Variants in ST6GALNAC5 observed in about 807,000 individuals in gnomAD.
The protein encoded by ST6GALNAC5 is ST6 N-acetylgalactosaminide alpha-2,6-sialyltransferase 5.
ST6GALNAC5 carries 27 observed loss-of-function variants against 33.6 expected under a neutral mutation model. The ratio of observed to expected loss-of-function variants is 0.80; its 90% confidence interval spans 0.59 to 1.11. ST6GALNAC5 has a LOEUF of 1.11. ST6GALNAC5 is among the 50% of genes least tolerant of loss of function. The pLI is 0.00. For missense variants in ST6GALNAC5, 428 were observed against 454.0 expected (o/e 0.94, Z 0.52); for synonymous variants, 194 against 171.2 (o/e 1.13, Z -1.04).
intron 2 of ST6GALNAC5, among the ~76,000 whole-genome samples, chr1:76,916,456 G>A (rs1646976234): frequency 6.6e-6 from 1 of 152,064 alleles, no homozygotes; most frequent in Non-Finnish European, 1.5e-5. Flanking sequence ...AAACTTTTAT[G>A]ATCAAAAAAT....
intron 2 of ST6GALNAC5, among the ~76,000 whole-genome samples, chr1:76,908,883 T>C (rs1646887449): frequency 6.6e-6 from 1 of 152,206 alleles, no homozygotes; most frequent in Admixed American, 6.6e-5. Flanking sequence ...GAATTTACAA[T>C]TCTATGCAAT....
intron 2 of ST6GALNAC5, among the ~76,000 whole-genome samples, chr1:77,037,483 C>A (rs1357366059): frequency 1.3e-5 from 2 of 152,046 alleles, no homozygotes. Context: ...ATTCATGCCT[C>A]AAAACTCAGT....
At chr1:76,953,314 C>T (rs1201131496) in intron 2 of ST6GALNAC5, among the ~76,000 whole-genome samples, 1 of 152,124 alleles carries the variant, frequency 6.6e-6, no homozygotes, top group East Asian at 1.9e-4. Flanking sequence ...AGAGATCAAG[C>T]TTCTCTGTAT....
Position 76,868,428 on chromosome 1 carries a change from CCCG to C in ST6GALNAC5, c.16-67_16-65del. 1 of 1,537,348 alleles carries C rather than the reference CCCG, an allele frequency of 6.5e-7. No homozygotes were observed. Among genetic ancestry groups the C allele is most frequent in the South Asian group, 1.3e-5 (1 of 78,682 alleles). ...CTAGAGTGACCACCGCACAGTTGTCCCCGCTGGGCGCGCTCCTCCGGTGTCTGC... is the reference window on the plus strand; with the variant it reads ...CTAGAGTGACCACCGCACAGTTGTCCCTGGGCGCGCTCCTCCGGTGTCTGC... On this transcript the variant is annotated intron_variant, in intron 1 of 4. Coordinates refer to ENST00000477717, the MANE Select transcript of ST6GALNAC5 (RefSeq NM_030965.3). The surrounding 1 kb of genome is among the most constrained non-coding windows in gnomAD (Gnocchi z 4.3).
At chr1:77,002,176 T>C (rs1443795782) in intron 2 of ST6GALNAC5, among the ~76,000 whole-genome samples, 1 of 152,226 alleles carries the variant, frequency 6.6e-6, no homozygotes, top group African/African-American at 2.4e-5. Context: ...GTTCCTGTTA[T>C]TGGTCTATTC....
intron 2 of ST6GALNAC5, among the ~76,000 whole-genome samples, chr1:77,025,518 G>GAA (rs112139091): frequency 3.5e-4 from 50 of 142,798 alleles, no homozygotes; most frequent in Middle Eastern, 3.5e-3. Flanking sequence ...AGACTGTCTT[G>GAA]AAAAAAAAAA....
intron 2 of ST6GALNAC5, among the ~76,000 whole-genome samples, chr1:76,942,731 A>G (rs1647381152): frequency 6.6e-6 from 1 of 152,084 alleles, no homozygotes; most frequent in Non-Finnish European, 1.5e-5. Flanking sequence ...CCAGACTCCA[A>G]AAGGCAGCTG....
chr1:76,916,673 A>T, intron 2 of ST6GALNAC5, among the ~76,000 whole-genome samples: 1 of 152,092 alleles, frequency 6.6e-6, no homozygotes, highest in Non-Finnish European at 1.5e-5. Context: ...GCTCCGTTTA[A>T]AATCTAGACG....
chr1:76,997,465 C>T (rs1218755619), intron 2 of ST6GALNAC5, among the ~76,000 whole-genome samples: 1 of 152,092 alleles, frequency 6.6e-6, no homozygotes, highest in Non-Finnish European at 1.5e-5. Context: ...AAGTTTCCAA[C>T]AAAGCAGTGC....
intron 2 of ST6GALNAC5, among the ~76,000 whole-genome samples, chr1:76,989,536 C>G (rs1325838627): frequency 6.6e-6 from 1 of 151,266 alleles, no homozygotes; most frequent in South Asian, 2.1e-4. Context: ...TGCCTTTTTT[C>G]CCTTTTGTCT....
At chr1:77,005,773 G>C (rs1650386800) in intron 2 of ST6GALNAC5, among the ~76,000 whole-genome samples, 1 of 152,126 alleles carries the variant, frequency 6.6e-6, no homozygotes, top group Admixed American at 6.5e-5. Context: ...TAACTATTCT[G>C]GGTACCTCAT....
chr1:76,893,050 A>T (rs1654047249), intron 2 of ST6GALNAC5, among the ~76,000 whole-genome samples: 1 of 152,172 alleles, frequency 6.6e-6, no homozygotes, highest in Non-Finnish European at 1.5e-5. Flanking sequence ...TTTGCTCTGA[A>T]TATCATCCAT....
intron 2 of ST6GALNAC5, among the ~76,000 whole-genome samples, chr1:76,948,195 G>T (rs1488277075): frequency 2.6e-5 from 4 of 152,150 alleles, no homozygotes; most frequent in Non-Finnish European, 4.4e-5. Context: ...GAAGTGCCTT[G>T]TGAAACCCCC....
At chr1:77,027,064 A>G (rs755211090) in intron 2 of ST6GALNAC5, among the ~76,000 whole-genome samples, 11 of 152,238 alleles carry the variant, frequency 7.2e-5, no homozygotes, top group Non-Finnish European at 7.3e-5. Flanking sequence ...TCCACTCCAA[A>G]GACAGAAAGC....
intron 2 of ST6GALNAC5, among the ~76,000 whole-genome samples, chr1:76,875,783 G>C (rs1653624969): frequency 6.6e-6 from 1 of 152,170 alleles, no homozygotes; most frequent in African/African-American, 2.4e-5. Context: ...CACTGATGCA[G>C]AGCATACATC....
At chr1:76,880,419 G>C (rs1390375087) in intron 2 of ST6GALNAC5, among the ~76,000 whole-genome samples, 2 of 152,096 alleles carry the variant, frequency 1.3e-5, no homozygotes, top group Non-Finnish European at 2.9e-5. Flanking sequence ...ATCTGTATTA[G>C]TCAGCATTCT....
At position 76,868,377 on chromosome 1, in the gene ST6GALNAC5, G is replaced by T; in HGVS notation, c.16-120G>T. ...CCCAGTTGCGTGCGGCGGGGCTGGG[G>T]CCCAGGCCGCCCCAAATCTCCCCCA... On this transcript the variant is annotated intron_variant, in intron 1 of 4. Transcript: ENST00000477717. The surrounding 1 kb of genome is among the most constrained non-coding windows in gnomAD (Gnocchi z 4.3). 2 of 1,410,832 alleles carry T rather than the reference G, an allele frequency of 1.4e-6. No individual in the cohort carries two copies. Among genetic ancestry groups the T allele is most frequent in the South Asian group, 1.5e-5 (1 of 67,274 alleles). The allele number at this position is 1,410,832 out of a possible 1,614,324, so 87.4% of individuals were successfully genotyped here.
At position 76,966,277 on chromosome 1, in the gene ST6GALNAC5, T is replaced by C. The variant is rs574819622; in HGVS notation, c.262-77927T>C. Among the ~76,000 whole-genome samples the C allele has an allele frequency of 3.3e-5, 5 of 152,356 alleles. No individual in the cohort carries two copies. In the East Asian group the frequency reaches 7.7e-4, roughly 23 times the overall value. On this transcript the variant is annotated intron_variant, in intron 2 of 4. Coordinates refer to ENST00000477717, the MANE Select transcript of ST6GALNAC5 (RefSeq NM_030965.3). ...TTTGTTTGTGTCCTCTTTTATTTCG[T>C]TGGGAAGTGGTTTGTAGTTCTCCTT...
At chr1:77,015,716 C>G (rs538077870) in intron 2 of ST6GALNAC5, among the ~76,000 whole-genome samples, 3 of 151,980 alleles carry the variant, frequency 2.0e-5, no homozygotes, top group African/African-American at 7.2e-5. Context: ...CCAGCAAGGT[C>G]TGTGCTGAGG....
Sources: gnomAD v4.1 joint callset for allele counts (sites outside exome capture counted in the v4.1 genomes callset) on GRCh38, gnomAD v4.1.1 for gene constraint, Gnocchi (gnomAD v3.1) non-coding constraint, MANE v1.5 for transcripts, NCBI Gene and HGNC (gene_info 2026-07-23, HGNC 2026-07-21) for gene names.